The following IL1RAPL1 variants were observed in gnomAD, a reference collection of about 807,000 sequenced individuals.
IL1RAPL1 encodes interleukin-1 receptor accessory protein-like 1.
A neutral mutation model predicts 48.4 loss-of-function variants in IL1RAPL1; 3 were observed. The ratio of observed to expected loss-of-function variants is 0.06; its 90% CI spans 0.03 to 0.16. The LOEUF (loss-of-function observed/expected upper bound fraction) is 0.16. Ranked by LOEUF, IL1RAPL1 falls within the 10% of genes least tolerant of loss-of-function variation. The pLI, the probability that IL1RAPL1 is intolerant of heterozygous loss-of-function variation, is 1.00. For missense variants in IL1RAPL1, 349 were observed against 530.6 expected (o/e 0.66, Z 3.36); for synonymous variants, 185 against 187.7 (o/e 0.99, Z 0.12).
intron 5 of IL1RAPL1, among the ~76,000 whole-genome samples, chrX:29,616,589 T>A (rs1336620478): frequency 9.2e-6 from 1 of 108,614 alleles, no homozygotes; most frequent in Non-Finnish European, 1.9e-5. Context: ...GTTTGGTTTT[T>A]TGTCCTTGTA....
intron 2 of IL1RAPL1, among the ~76,000 whole-genome samples, chrX:29,082,946 A>G (rs939869415): frequency 2.7e-5 from 3 of 111,946 alleles, no homozygotes; most frequent in Admixed American, 9.5e-5. Flanking sequence ...TTGACTATAT[A>G]TATATATTTC....
At chrX:29,673,455 C>T (rs1183135107) in intron 6 of IL1RAPL1, among the ~76,000 whole-genome samples, 1 of 111,173 alleles carries the variant, frequency 9.0e-6, no homozygotes, top group Non-Finnish European at 1.9e-5. Context: ...AAATGTAAGG[C>T]CATTGATTTG....
At chrX:29,678,070 T>C (rs1478919708) in intron 6 of IL1RAPL1, among the ~76,000 whole-genome samples, 1 of 111,637 alleles carries the variant, frequency 9.0e-6, no homozygotes, top group African/African-American at 3.3e-5. Context: ...ACTCTCATTT[T>C]ATCATTCTGG....
chrX:29,490,856 A>G (rs61411460), intron 5 of IL1RAPL1, among the ~76,000 whole-genome samples: 3 of 102,833 alleles, frequency 2.9e-5, no homozygotes, highest in South Asian at 4.1e-4. Flanking sequence ...GTGTGTGTAT[A>G]TATATATATT....
intron 6 of IL1RAPL1, among the ~76,000 whole-genome samples, chrX:29,802,767 ATATATATATATATATG>A (rs1929953499): frequency 7.4e-5 from 2 of 27,057 alleles, no homozygotes; most frequent in African/African-American, 2.4e-4. Flanking sequence ...ATATATATAT[ATATATATATATATATG>A]TGTGTGTGTA....
At chrX:29,885,630 G>C (rs1398766045) in intron 6 of IL1RAPL1, among the ~76,000 whole-genome samples, 1 of 111,250 alleles carries the variant, frequency 9.0e-6, no homozygotes, top group Non-Finnish European at 1.9e-5. Context: ...GGACAACATA[G>C]TGAGACCCTG....
intron 1 of IL1RAPL1, among the ~76,000 whole-genome samples, chrX:28,643,990 C>G (rs1344457121): frequency 9.0e-6 from 1 of 111,716 alleles, no homozygotes; most frequent in African/African-American, 3.3e-5. Context: ...CATCTTTGCC[C>G]TATTATGGAA....
chrX:28,713,417 GA>G (rs1427963036), intron 1 of IL1RAPL1, among the ~76,000 whole-genome samples: 2 of 111,375 alleles, frequency 1.8e-5, no homozygotes, highest in Non-Finnish European at 3.8e-5. Context: ...CCTAATTAAG[GA>G]AAAGCATGTT....
At chrX:28,873,783 G>A (rs772532668) in intron 2 of IL1RAPL1, among the ~76,000 whole-genome samples, 116 of 108,557 alleles carry the variant, frequency 1.1e-3, no homozygotes, top group African/African-American at 3.6e-3. Context: ...CGCCCGCCTT[G>A]GCCTCCCAAA....
chrX:28,617,524 T>C (rs1934235061), intron 1 of IL1RAPL1, among the ~76,000 whole-genome samples: 1 of 111,945 alleles, frequency 8.9e-6, no homozygotes, highest in African/African-American at 3.2e-5. Context: ...TCAACCCAAA[T>C]ATGGGACCTC....
intron 6 of IL1RAPL1, among the ~76,000 whole-genome samples, chrX:29,760,985 G>C (rs1422850181): frequency 9.0e-6 from 1 of 111,427 alleles, no homozygotes; most frequent in Non-Finnish European, 1.9e-5. Context: ...CATTCTGATA[G>C]TACGTGGATT....
intron 6 of IL1RAPL1, among the ~76,000 whole-genome samples, chrX:29,751,121 T>TAC (rs35624593): frequency 9.0e-6 from 1 of 111,313 alleles, no homozygotes; most frequent in African/African-American, 3.3e-5. Context: ...CATATATATA[T>TAC]ACACATATGA....
chrX:28,712,934 A>G (rs925197791), intron 1 of IL1RAPL1, among the ~76,000 whole-genome samples: 2 of 112,088 alleles, frequency 1.8e-5, no homozygotes, highest in Non-Finnish European at 3.8e-5. Flanking sequence ...TTACAATTAA[A>G]TGTCCATCGC....
intron 6 of IL1RAPL1, among the ~76,000 whole-genome samples, chrX:29,805,956 A>G (rs1930245573): frequency 9.3e-6 from 1 of 107,789 alleles, no homozygotes; most frequent in African/African-American, 3.3e-5. Flanking sequence ...TATAAAATCT[A>G]TAGATTATAT....
intron 6 of IL1RAPL1, among the ~76,000 whole-genome samples, chrX:29,756,033 G>T (rs1280706857): frequency 9.0e-6 from 1 of 111,452 alleles, no homozygotes; most frequent in Non-Finnish European, 1.9e-5. Context: ...GTGAAATGGG[G>T]TCTGAAATTG....
chrX:29,344,427 A>C (rs1029400750), intron 3 of IL1RAPL1, among the ~76,000 whole-genome samples: 20 of 112,010 alleles, frequency 1.8e-4, no homozygotes, highest in African/African-American at 6.2e-4. Context: ...CTAGCTATTC[A>C]TTTTACATAG....
intron 1 of IL1RAPL1, among the ~76,000 whole-genome samples, chrX:28,741,260 G>T (rs994108735): frequency 1.8e-5 from 2 of 111,587 alleles, no homozygotes; most frequent in Non-Finnish European, 3.8e-5. Context: ...TTATTTCATT[G>T]TGGTTTGGAT....
intron 2 of IL1RAPL1, among the ~76,000 whole-genome samples, chrX:29,190,829 C>T (rs907755067): frequency 1.4e-4 from 16 of 112,035 alleles, no homozygotes; most frequent in Non-Finnish European, 2.1e-4. Flanking sequence ...CTTGCAATGA[C>T]CTTTATAAAC....
chrX:29,150,979 C>T (rs1448680954), intron 2 of IL1RAPL1, among the ~76,000 whole-genome samples: 2 of 108,739 alleles, frequency 1.8e-5, no homozygotes, highest in Admixed American at 9.9e-5. Flanking sequence ...GTGTGACCTG[C>T]CCTAGATGCT....
Sources: allele counts gnomAD v4.1 joint callset (sites outside exome capture counted in the v4.1 genomes callset), GRCh38; gene constraint gnomAD v4.1.1; transcripts MANE v1.5; gene names NCBI Gene and HGNC (gene_info 2026-07-23, HGNC 2026-07-21).